SBNO1: variants seen among roughly 807,000 people sequenced by gnomAD.
SBNO1 encodes strawberry notch homolog 1.
In SBNO1, 23 loss-of-function variants were observed where a neutral mutation model predicts 173.6. That is an observed-to-expected ratio of 0.13 (90% CI 0.10 to 0.19). The LOEUF is 0.19. Among genes scored for constraint, SBNO1 ranks in the 10% least tolerant of loss-of-function variants. The pLI, the probability that SBNO1 is intolerant of heterozygous loss-of-function variation, is 1.00. For synonymous variants in SBNO1, 632 were observed against 571.5 expected (o/e 1.11, Z -1.51); for missense variants, 1,238 against 1,671.2 (o/e 0.74, Z 4.52).
At chr12:123,361,982 T>TA (rs1875281212) in intron 1 of SBNO1, among the ~76,000 whole-genome samples, 1 of 149,356 alleles carries the variant, frequency 6.7e-6, no homozygotes, top group Admixed American at 6.7e-5. Context: ...CTACTAAAAA[T>TA]ACGAAAATTA....
At chr12:123,364,670 G>A in intron 1 of SBNO1, 31 bp downstream of exon 1, 1 of 982,500 alleles carries the variant, frequency 1.0e-6, no homozygotes, top group South Asian at 4.7e-5. Flanking sequence ...GGGGAGTGTG[G>A]AAGGAGAAAA....
chr12:123,354,693 A>G (rs1874236943), intron 1 of SBNO1, among the ~76,000 whole-genome samples: 1 of 152,156 alleles, frequency 6.6e-6, no homozygotes, highest in South Asian at 2.1e-4. Flanking sequence ...AGGAGGAAAA[A>G]CATTTTCACT....
chr12:123,337,436 G>A (rs1298141218), intron 5 of SBNO1, among the ~76,000 whole-genome samples: 1 of 152,142 alleles, frequency 6.6e-6, no homozygotes, highest in Non-Finnish European at 1.5e-5. Flanking sequence ...AAACCTACAG[G>A]TTAAGGCAAA....
At position 123,364,262 on chromosome 12, in the gene SBNO1, C is replaced by G. The variant is rs558239865; in HGVS notation, c.-1+439G>C. The G allele has an allele frequency of 1.1e-4, 113 of 985,544 alleles. No individual in the cohort carries two copies. In the African/African-American group the frequency reaches 1.8e-3, roughly 16 times the overall value. 61.0% of individuals were successfully genotyped at this position (985,544 alleles called of 1,614,324 possible). ...CAGAGCCGGGAGCAATGCTGGGGCA[C>G]GAAAGAGGACTTGGGAAGGATCCGG... is the stretch of plus-strand genomic sequence containing the variant. On this transcript the variant is annotated intron_variant, in intron 1 of 31. Transcript: ENST00000602398.
At chr12:123,352,375 G>A (rs1459183454) in intron 1 of SBNO1, among the ~76,000 whole-genome samples, 1 of 152,158 alleles carries the variant, frequency 6.6e-6, no homozygotes, top group African/African-American at 2.4e-5. Context: ...ACAATGGCGC[G>A]GTCTCGGCTC....
chr12:123,364,767 G>T lies in SBNO1; in HGVS notation c.-67C>A. The T allele has an allele frequency of 5.1e-6, 5 of 989,276 alleles. No homozygotes were observed. The highest frequency in any genetic ancestry group is 9.1e-5 in the South Asian group (2 of 22,000). 61.3% of individuals were successfully genotyped at this position (989,276 alleles called of 1,614,324 possible). On this transcript the variant is annotated 5_prime_UTR_variant, in exon 1 of 32. Coordinates refer to ENST00000602398, the MANE Select transcript of SBNO1 (RefSeq NM_001167856.3). ...GGTGTGAGTTTGAAGGACCAGAGGC[G>T]ACTGGAGCGGAGGCGGCGGTGGCGG...
chr12:123,350,270 C>A (rs774068882), intron 2 of SBNO1, 40 bp downstream of exon 2: 2 of 1,608,042 alleles, frequency 1.2e-6, no homozygotes, highest in African/African-American at 1.3e-5. Context: ...ATACTGTAAG[C>A]GGAAATCACT....
chr12:123,359,264 T>C (rs1290100198), intron 1 of SBNO1, among the ~76,000 whole-genome samples: 1 of 149,882 alleles, frequency 6.7e-6, no homozygotes, highest in Non-Finnish European at 1.5e-5. Context: ...TAGCTCAGTA[T>C]AGGCTGAGTG....
chr12:123,307,912 A>T (rs1308554191), intron 28 of SBNO1, among the ~76,000 whole-genome samples: 2 of 152,186 alleles, frequency 1.3e-5, no homozygotes, highest in Non-Finnish European at 2.9e-5. Flanking sequence ...TCTCTACTAA[A>T]AATAAGAAAT....
At position 123,291,821 on chromosome 12, in the gene SBNO1, CAGA is replaced by C. The variant is rs1457669147; in HGVS notation, c.*4084_*4086del. The C allele has an allele frequency of 6.6e-6, 1 of 151,672 alleles. No individual in the cohort carries two copies. The highest frequency in any genetic ancestry group is 6.6e-5 in the Admixed American group (1 of 15,194). 9.4% of individuals were successfully genotyped at this position (151,672 alleles called of 1,614,324 possible). ...ACAAGAATTATTTACATTCAGAATC[CAGA>C]AGAACTCAACATTTCTCTATATATA... On this transcript the variant is annotated 3_prime_UTR_variant, in exon 32 of 32. Transcript: ENST00000602398.
chr12:123,331,262 C>T lies in SBNO1; in HGVS notation c.1023G>A (p.Leu341=). The change falls in exon 8 of 32, where the codon TTG becomes TTA. Residue 341 remains leucine (L), a synonymous_variant. Transcript: ENST00000602398. ...CTTACCACAATGCTCGTTTTCTACT[C>T]AACAAATAATTTTCATAGATGATTC... ...IAGIIYENYL[L]SRKRALWFSV... is the part of the protein sequence containing the mutation. 6.2e-7 allele frequency: 1 copy of T among 1,614,026 alleles called. No individual in the cohort carries two copies. The highest frequency in any genetic ancestry group is 8.5e-7 in the Non-Finnish European group (1 of 1,179,960).
rs2048534932 is a variant in SBNO1, at chr12:123,293,049, C to T, written c.*2859G>A. The T allele has an allele frequency of 1.3e-5, 2 of 152,166 alleles. No homozygotes were observed. The highest frequency in any genetic ancestry group is 4.8e-5 in the African/African-American group (2 of 41,436). The allele number at this position is 152,166 out of a possible 1,614,324, so 9.4% of individuals were successfully genotyped here. A position where few individuals can be genotyped will look rare whatever the true frequency, so the allele number is the denominator to read the frequency against. The stretch of plus-strand genomic sequence containing the variant: ...TTTTCAGTACAATTGACGCTGTAAA[C>T]TCTGAAAACACGAACATGATTTCCA... On this transcript the variant is annotated 3_prime_UTR_variant, in exon 32 of 32. Coordinates refer to ENST00000602398, the MANE Select transcript of SBNO1 (RefSeq NM_001167856.3).
At position 123,364,784 on chromosome 12, in the gene SBNO1, CGGT is replaced by C. The variant is rs539121918; in HGVS notation, c.-87_-85del. 100 of 987,864 alleles carry C rather than the reference CGGT, an allele frequency of 1.0e-4. 2 individuals are homozygous for C. In the South Asian group the frequency reaches 3.6e-3, roughly 35 times the overall value. 61.2% of individuals were successfully genotyped at this position (987,864 alleles called of 1,614,324 possible). On this transcript the variant is annotated 5_prime_UTR_variant, in exon 1 of 32. Transcript: ENST00000602398. ...CCAGAGGCGACTGGAGCGGAGGCGG[CGGT>C]GGCGGCGGCAGCAGCGGCGTCCTGC... is the stretch of plus-strand genomic sequence containing the variant.
chr12:123,291,076 A>G lies in SBNO1; in HGVS notation c.*4832T>C, dbSNP rs1421990220. ...GTACATTCTCTAAAGTCACCTGTCA[A>G]TAACACACTAGGCCTGCCTCCTGCC... On this transcript the variant is annotated 3_prime_UTR_variant, in exon 32 of 32. Coordinates refer to ENST00000602398, the MANE Select transcript of SBNO1 (RefSeq NM_001167856.3). 5.3e-5 allele frequency: 8 copies of G among 152,298 alleles called. No individual in the cohort carries two copies. Among genetic ancestry groups the G allele is most frequent in the African/African-American group, 1.7e-4 (7 of 41,544 alleles). The allele number at this position is 152,298 out of a possible 1,614,324, so 9.4% of individuals were successfully genotyped here. A position where few individuals can be genotyped will look rare whatever the true frequency, so the allele number is the denominator to read the frequency against.
At chr12:123,301,736 C>T (rs1593323717) in intron 30 of SBNO1, among the ~76,000 whole-genome samples, 1 of 151,978 alleles carries the variant, frequency 6.6e-6, no homozygotes, top group East Asian at 1.9e-4. Flanking sequence ...TCTGGGACAC[C>T]AGTAAAGCTT....
rs1259319203 is a variant in SBNO1, at chr12:123,293,140, A to G, written c.*2768T>C. On this transcript the variant is annotated 3_prime_UTR_variant, in exon 32 of 32. Coordinates refer to ENST00000602398, the MANE Select transcript of SBNO1 (RefSeq NM_001167856.3). ...AAGGCATTGCAGAGGCAAAGTGGAC[A>G]TGGGGTTAATTAAACAAGGCCTCTG... 3 of 152,232 alleles carry G rather than the reference A, an allele frequency of 2.0e-5. No individual in the cohort carries two copies. The highest frequency in any genetic ancestry group is 4.4e-5 in the Non-Finnish European group (3 of 68,040). 9.4% of individuals were successfully genotyped at this position (152,232 alleles called of 1,614,324 possible).
chr12:123,336,539 G>A (rs902625420), intron 5 of SBNO1, 48 bp from the exon 6 acceptor site: 2 of 1,233,428 alleles, frequency 1.6e-6, no homozygotes, highest in East Asian at 2.4e-5. Flanking sequence ...GGGACCAGAC[G>A]CCCAGCCAAC....
intron 20 of SBNO1, among the ~76,000 whole-genome samples, chr12:123,318,966 CGT>C (rs1015679758): frequency 6.7e-6 from 1 of 148,660 alleles, no homozygotes; most frequent in African/African-American, 2.5e-5. Context: ...ACTAAGGGAA[CGT>C]TTTTTTTTTT....
chr12:123,307,469 C>T (rs1183730019), intron 28 of SBNO1, among the ~76,000 whole-genome samples: 3 of 152,108 alleles, frequency 2.0e-5, no homozygotes, highest in Non-Finnish European at 4.4e-5. Flanking sequence ...CAACTCCTGC[C>T]CTAGATCATT....
Sources: allele counts gnomAD v4.1 joint callset (sites outside exome capture counted in the v4.1 genomes callset), GRCh38; gene constraint gnomAD v4.1.1; transcripts MANE v1.5; gene names NCBI Gene and HGNC (gene_info 2026-07-23, HGNC 2026-07-21).